DNER: variants seen among roughly 807,000 people sequenced by gnomAD.
DNER encodes delta and Notch-like epidermal growth factor-related receptor.
Under a neutral mutation model 78.2 loss-of-function variants are expected in DNER, and 33 were observed. The observed-to-expected ratio is 0.42, with a 90% CI of 0.32 to 0.56. The LOEUF (loss-of-function observed/expected upper bound fraction) is 0.56. DNER is among the 20% of genes least tolerant of loss of function. DNER has a pLI of 0.11. For missense variants in DNER, 918 were observed against 975.3 expected, an observed-to-expected ratio of 0.94 and a Z score of 0.78; for synonymous variants, 417 against 384.8, an observed-to-expected ratio of 1.08 and a Z score of -0.98.
At chr2:229,606,473 C>T (rs564254287) in intron 1 of DNER, among the ~76,000 whole-genome samples, 1 of 144,962 alleles carries the variant, frequency 6.9e-6, no homozygotes, top group Non-Finnish European at 1.5e-5. Flanking sequence ...AAACTGACAT[C>T]TCTACAGTCT....
At chr2:229,387,359 G>A (rs1692891457) in intron 11 of DNER, among the ~76,000 whole-genome samples, 1 of 151,966 alleles carries the variant, frequency 6.6e-6, no homozygotes, top group Non-Finnish European at 1.5e-5. Context: ...ATAGCATTAG[G>A]AGAAATACGT....
chr2:229,418,763 T>C (rs1693701653), intron 8 of DNER, among the ~76,000 whole-genome samples: 1 of 150,150 alleles, frequency 6.7e-6, no homozygotes, highest in Non-Finnish European at 1.5e-5. Context: ...CTACTAAAAA[T>C]ACAAAAAATT....
intron 1 of DNER, among the ~76,000 whole-genome samples, chr2:229,612,362 C>T (rs1263360499): frequency 6.6e-6 from 1 of 152,110 alleles, no homozygotes; most frequent in African/African-American, 2.4e-5. Flanking sequence ...ACTGGGGGAC[C>T]CTGGTGGAAG....
chr2:229,457,853 T>C (rs1349394968), intron 7 of DNER, among the ~76,000 whole-genome samples: 3 of 149,640 alleles, frequency 2.0e-5, no homozygotes, highest in South Asian at 2.1e-4. Context: ...AAATGGAAAG[T>C]AAGGACAGGT....
At chr2:229,550,400 T>C (rs1014081410) in intron 4 of DNER, among the ~76,000 whole-genome samples, 1 of 152,208 alleles carries the variant, frequency 6.6e-6, no homozygotes, top group Non-Finnish European at 1.5e-5. Flanking sequence ...AAAATATTAG[T>C]ATCCAGAAAT....
intron 3 of DNER, 135 bp downstream of exon 3, chr2:229,588,259 G>T: frequency 1.4e-6 from 1 of 721,704 alleles, no homozygotes; most frequent in Non-Finnish European, 2.3e-6. Context: ...AATGGCAGGG[G>T]CCACATCTAC....
At chr2:229,439,700 G>C (rs1247431706) in intron 8 of DNER, among the ~76,000 whole-genome samples, 1 of 152,220 alleles carries the variant, frequency 6.6e-6, no homozygotes, top group Non-Finnish European at 1.5e-5. Flanking sequence ...AATAGTGGTA[G>C]GGAGGTCCCC....
At chr2:229,535,393 T>C (rs1045158423) in intron 5 of DNER, among the ~76,000 whole-genome samples, 2 of 152,164 alleles carry the variant, frequency 1.3e-5, no homozygotes, top group African/African-American at 4.8e-5. Context: ...AAAAGCACTA[T>C]GGAAGTCCAG....
At chr2:229,534,443 C>T (rs987095051) in intron 5 of DNER, among the ~76,000 whole-genome samples, 3 of 152,196 alleles carry the variant, frequency 2.0e-5, no homozygotes, top group South Asian at 2.1e-4. Flanking sequence ...AGACTGAAAG[C>T]GTTTGACATG....
chr2:229,688,921 T>C (rs1335132827), intron 1 of DNER, among the ~76,000 whole-genome samples: 1 of 152,104 alleles, frequency 6.6e-6, no homozygotes, highest in Non-Finnish European at 1.5e-5. Flanking sequence ...TTCTCGCTTA[T>C]TAGTGGGAGC....
intron 10 of DNER, among the ~76,000 whole-genome samples, chr2:229,400,944 C>A (rs1193917636): frequency 6.6e-6 from 1 of 152,004 alleles, no homozygotes; most frequent in African/African-American, 2.4e-5. Flanking sequence ...TCAACATCAA[C>A]GTCAATGATC....
intron 1 of DNER, among the ~76,000 whole-genome samples, chr2:229,679,962 T>A (rs1455443943): frequency 1.3e-5 from 2 of 152,136 alleles, no homozygotes; most frequent in Non-Finnish European, 2.9e-5. Context: ...TATAATTACA[T>A]GCAGTAAAAG....
chr2:229,380,067 G>T (rs1692700808), intron 11 of DNER, among the ~76,000 whole-genome samples: 2 of 152,204 alleles, frequency 1.3e-5, no homozygotes, highest in Admixed American at 1.3e-4. Flanking sequence ...GAGTGAGCAG[G>T]TAAGAAGCTA....
chr2:229,474,094 C>G, intron 7 of DNER, among the ~76,000 whole-genome samples: 1 of 152,034 alleles, frequency 6.6e-6, no homozygotes, highest in Non-Finnish European at 1.5e-5. Flanking sequence ...TTAGTAGAGA[C>G]AGGGTTTTGC....
At chr2:229,440,703 C>A (rs1202497550) in intron 8 of DNER, among the ~76,000 whole-genome samples, 1 of 152,228 alleles carries the variant, frequency 6.6e-6, no homozygotes, top group Non-Finnish European at 1.5e-5. Context: ...TGTTGCTCAG[C>A]CTGCTGTACC....
chr2:229,384,898 C>T (rs115135422), intron 11 of DNER, among the ~76,000 whole-genome samples: 4,496 of 152,074 alleles, frequency 0.03, 97 homozygotes, highest in African/African-American at 0.06. Context: ...GACTCCTTCC[C>T]AACTCATTTC....
chr2:229,613,105 C>T (rs972112566), intron 1 of DNER, among the ~76,000 whole-genome samples: 3 of 152,150 alleles, frequency 2.0e-5, no homozygotes, highest in African/African-American at 7.2e-5. Context: ...CCCAGCTCTT[C>T]AGGGAAGATT....
At chr2:229,590,737 C>T (rs1205885948) in intron 2 of DNER, among the ~76,000 whole-genome samples, 2 of 152,194 alleles carry the variant, frequency 1.3e-5, no homozygotes, top group African/African-American at 4.8e-5. Flanking sequence ...CTGCCTTGAT[C>T]GTGGACTTCC....
intron 10 of DNER, among the ~76,000 whole-genome samples, chr2:229,397,119 G>A (rs954128973): frequency 1.2e-4 from 18 of 152,100 alleles, no homozygotes; most frequent in African/African-American, 4.1e-4. Flanking sequence ...GAAAGATGGA[G>A]CAGATATATT....
Sources: gnomAD v4.1 joint callset for allele counts (sites outside exome capture counted in the v4.1 genomes callset) on GRCh38, gnomAD v4.1.1 for gene constraint, MANE v1.5 for transcripts, NCBI Gene and HGNC (gene_info 2026-07-23, HGNC 2026-07-21) for gene names.